EIF2A: variants seen among roughly 807,000 people sequenced by gnomAD.
The protein encoded by EIF2A is eukaryotic translation initiation factor 2A.
A neutral mutation model predicts 75.2 loss-of-function variants in EIF2A; 62 were observed. The ratio of observed to expected loss-of-function variants is 0.82; its 90% confidence interval spans 0.67 to 1.02. The LOEUF (loss-of-function observed/expected upper bound fraction) is 1.02, where lower values mean the gene tolerates loss of function less well. Ranked by LOEUF, EIF2A falls within the 50% of genes least tolerant of loss-of-function variation. The pLI is 0.00. For missense variants in EIF2A, 611 were observed against 677.7 expected, an observed-to-expected ratio of 0.90 and a Z score of 1.09; for synonymous variants, 207 against 239.0, an observed-to-expected ratio of 0.87 and a Z score of 1.23.
At chr3:150,579,775 T>C (rs969592030) in intron 11 of EIF2A, among the ~76,000 whole-genome samples, 3 of 151,970 alleles carry the variant, frequency 2.0e-5, no homozygotes, top group African/African-American at 7.2e-5. Context: ...ACTTTTAGAG[T>C]TGAATATCTA....
chr3:150,555,671 T>C (rs1344066691), intron 2 of EIF2A, among the ~76,000 whole-genome samples: 1 of 151,930 alleles, frequency 6.6e-6, no homozygotes, highest in Non-Finnish European at 1.5e-5. Context: ...GGTGGATCAC[T>C]TGAGCCCAGG....
Position 150,567,680 on chromosome 3 carries a change from C to A in EIF2A, c.476-13C>A. Reference sequence around the variant, plus strand: ...TCTCTCATCAATCTGATTTAATTTACTCTTTTTTTTAGACACAATTGCAAA... The same window carrying A: ...TCTCTCATCAATCTGATTTAATTTAATCTTTTTTTTAGACACAATTGCAAA... On this transcript the variant is annotated splice_polypyrimidine_tract_variant and intron_variant, in intron 6 of 13. Coordinates refer to ENST00000460851, the MANE Select transcript of EIF2A (RefSeq NM_032025.5). The A allele has an allele frequency of 6.7e-7, 1 of 1,496,608 alleles. No homozygotes were observed. Among genetic ancestry groups the A allele is most frequent in the Admixed American group, 2.1e-5 (1 of 47,454 alleles). The allele number at this position is 1,496,608 out of a possible 1,614,324, so 92.7% of individuals were successfully genotyped here. A position where few individuals can be genotyped will look rare whatever the true frequency, so the allele number is the denominator to read the frequency against.
At chr3:150,572,626 G>C in intron 10 of EIF2A, 97 bp downstream of exon 10, 1 of 1,210,914 alleles carries the variant, frequency 8.3e-7, no homozygotes, top group Non-Finnish European at 1.1e-6. Flanking sequence ...AGGCCGAGGC[G>C]GGAGGATCAC....
intron 1 of EIF2A, among the ~76,000 whole-genome samples, chr3:150,550,112 T>C (rs570616305): frequency 7.0e-6 from 1 of 142,242 alleles, no homozygotes; most frequent in South Asian, 2.4e-4. Context: ...ACACAGCTAC[T>C]GTGTGAAACT....
chr3:150,554,646 T>C (rs529386417), intron 2 of EIF2A, among the ~76,000 whole-genome samples: 2 of 152,338 alleles, frequency 1.3e-5, no homozygotes, highest in African/African-American at 4.8e-5. Flanking sequence ...GACCCCCCTT[T>C]AAGAACCACT....
chr3:150,572,661 A>G, intron 10 of EIF2A, 132 bp downstream of exon 10: 1 of 840,680 alleles, frequency 1.2e-6, no homozygotes, highest in East Asian at 2.6e-5. Flanking sequence ...TTGAGACCAG[A>G]CTGGCTAACA....
At chr3:150,555,521 G>C (rs1162729810) in intron 2 of EIF2A, among the ~76,000 whole-genome samples, 1 of 151,646 alleles carries the variant, frequency 6.6e-6, no homozygotes, top group Non-Finnish European at 1.5e-5. Flanking sequence ...GCCTCCCAAA[G>C]TGCTGGGATT....
At position 150,583,110 on chromosome 3, in the gene EIF2A, T is replaced by G. The variant is rs1435794965; in HGVS notation, c.1627-90T>G. 4 of 1,050,898 alleles carry G rather than the reference T, an allele frequency of 3.8e-6. No homozygotes were observed. The African/African-American group carries it at 4.9e-5, about 13-fold the overall frequency. 65.1% of individuals were successfully genotyped at this position (1,050,898 alleles called of 1,614,324 possible). A position where few individuals can be genotyped will look rare whatever the true frequency, so the allele number is the denominator to read the frequency against. ...TGATACAAATCTAAGATAATTAATC[T>G]CCTTACTTGAGTTTCACATTCTTAA... On this transcript the variant is annotated intron_variant, in intron 12 of 13. Coordinates refer to ENST00000460851, the MANE Select transcript of EIF2A (RefSeq NM_032025.5).
intron 2 of EIF2A, chr3:150,552,629 T>G: frequency 2.3e-6 from 1 of 439,622 alleles, no homozygotes. Context: ...TTAAGCCTAT[T>G]TATAAGGTAG....
At chr3:150,561,545 T>C (rs1390302099) in intron 3 of EIF2A, among the ~76,000 whole-genome samples, 1 of 152,056 alleles carries the variant, frequency 6.6e-6, no homozygotes, top group Non-Finnish European at 1.5e-5. Context: ...GCCACTACAC[T>C]CCAGCCTGGG....
At chr3:150,565,969 A>G (rs1376780550) in intron 6 of EIF2A, 1 of 151,352 alleles carries the variant, frequency 6.6e-6, no homozygotes, top group African/African-American at 2.4e-5. Context: ...CCAATTTTGT[A>G]TTTTTAGTAG....
intron 3 of EIF2A, among the ~76,000 whole-genome samples, chr3:150,560,713 AGT>A (rs1413072382): frequency 7.5e-6 from 1 of 132,864 alleles, no homozygotes; most frequent in Admixed American, 8.3e-5. Flanking sequence ...TAAGATGGAG[AGT>A]CTTTTTTTTT....
intron 1 of EIF2A, among the ~76,000 whole-genome samples, chr3:150,551,594 GGCACAT>G (rs1376132815): frequency 6.6e-6 from 1 of 151,882 alleles, no homozygotes; most frequent in African/African-American, 2.4e-5. Flanking sequence ...CAAGCAGGGT[GGCACAT>G]GCCTGTAGTC....
intron 3 of EIF2A, among the ~76,000 whole-genome samples, chr3:150,560,528 G>A (rs1285432151): frequency 1.3e-5 from 2 of 152,138 alleles, no homozygotes; most frequent in Admixed American, 6.5e-5. Flanking sequence ...ACAAGAAAGC[G>A]TCTTGTAATT....
chr3:150,574,354 T>C (rs1186071961), intron 10 of EIF2A, among the ~76,000 whole-genome samples: 2 of 152,210 alleles, frequency 1.3e-5, no homozygotes, highest in African/African-American at 2.4e-5. Context: ...TACATGATGC[T>C]CATAAGCGTG....
At chr3:150,551,025 C>T (rs962045941) in intron 1 of EIF2A, among the ~76,000 whole-genome samples, 7 of 152,196 alleles carry the variant, frequency 4.6e-5, no homozygotes, top group African/African-American at 9.6e-5. Flanking sequence ...ATCCCCTTGA[C>T]GCTCTGTCGT....
At chr3:150,561,020 A>G (rs765351560) in intron 3 of EIF2A, among the ~76,000 whole-genome samples, 3 of 152,206 alleles carry the variant, frequency 2.0e-5, no homozygotes, top group Non-Finnish European at 2.9e-5. Flanking sequence ...TCATTGTACC[A>G]TAATAATTCT....
chr3:150,583,118 T>G, intron 12 of EIF2A, 82 bp from the exon 13 acceptor site: 95 of 1,159,142 alleles, frequency 8.2e-5, no homozygotes, highest in Non-Finnish European at 1.1e-4. Context: ...TCTCCTTACT[T>G]GAGTTTCACA....
At chr3:150,567,579 T>C in intron 6 of EIF2A, 114 bp from the exon 7 acceptor site, 1 of 738,714 alleles carries the variant, frequency 1.4e-6, no homozygotes, top group Non-Finnish European at 2.2e-6. Flanking sequence ...AGGAGGAGAC[T>C]ACAGTGAGTA....
Sources: gnomAD v4.1 joint callset for allele counts (sites outside exome capture counted in the v4.1 genomes callset) on GRCh38, gnomAD v4.1.1 for gene constraint, MANE v1.5 for transcripts, NCBI Gene and HGNC (gene_info 2026-07-23, HGNC 2026-07-21) for gene names.